ARHGEF4: variants seen among roughly 807,000 people sequenced by gnomAD.
The protein encoded by ARHGEF4 is APC-stimulated guanine nucleotide exchange factor 1.
Under a neutral mutation model 162.0 loss-of-function variants are expected in ARHGEF4, and 119 were observed. The observed-to-expected ratio is 0.73, with a 90% confidence interval of 0.63 to 0.86. ARHGEF4 has a LOEUF of 0.86. Among genes scored for constraint, ARHGEF4 ranks in the 40% least tolerant of loss-of-function variants. The pLI is 0.00. For synonymous variants in ARHGEF4, 1,014 were observed against 979.9 expected (o/e 1.03, Z -0.65); for missense variants, 2,488 against 2,456.0 (o/e 1.01, Z -0.28).
intron 1 of ARHGEF4, among the ~76,000 whole-genome samples, chr2:130,907,117 T>C (rs781305779): frequency 6.6e-6 from 1 of 151,954 alleles, no homozygotes; most frequent in Non-Finnish European, 1.5e-5. Flanking sequence ...AAATGGATCA[T>C]ACAATATGCA....
intron 5 of ARHGEF4, among the ~76,000 whole-genome samples, chr2:131,034,345 C>G (rs1031446774): frequency 6.6e-5 from 10 of 152,210 alleles, no homozygotes; most frequent in Non-Finnish European, 1.3e-4. Context: ...AGAATGAGAG[C>G]TCTTGCACAA....
Position 130,923,509 on chromosome 2 carries a change from T to C in ARHGEF4, c.3552+6011T>C, listed in dbSNP as rs182306156. ...CAGTTCCTCTCACGTGGTCATCAAG[T>C]CGATAAACTGAGCTCGCTGAGTGCC... On this transcript the variant is annotated intron_variant, in intron 2 of 13. Transcript: ENST00000409359. 5.1e-4 allele frequency among the ~76,000 whole-genome samples: 78 copies of C among 152,312 alleles called. 2 individuals carry two copies. In the East Asian group the frequency reaches 0.012, roughly 23 times the overall value.
At chr2:130,895,022 A>G (rs949715639) in intron 1 of ARHGEF4, among the ~76,000 whole-genome samples, 4 of 152,176 alleles carry the variant, frequency 2.6e-5, no homozygotes, top group African/African-American at 9.7e-5. Context: ...CAATTGCATA[A>G]CTATCCCCAC....
intron 4 of ARHGEF4, among the ~76,000 whole-genome samples, chr2:130,955,122 T>C (rs867303459): frequency 6.6e-6 from 1 of 152,230 alleles, no homozygotes; most frequent in East Asian, 1.9e-4. Flanking sequence ...CTCCAGAATT[T>C]CCTTTTTTAA....
chr2:130,924,313 G>A (rs916051245), intron 2 of ARHGEF4, among the ~76,000 whole-genome samples: 1 of 142,928 alleles, frequency 7.0e-6, no homozygotes, highest in Non-Finnish European at 1.5e-5. Flanking sequence ...GTCTCACACT[G>A]TCACGGGCAG....
At chr2:131,036,693 G>A (rs1013837956) in intron 5 of ARHGEF4, among the ~76,000 whole-genome samples, 3 of 152,200 alleles carry the variant, frequency 2.0e-5, no homozygotes, top group Non-Finnish European at 2.9e-5. Flanking sequence ...GAGACAGAGG[G>A]TGACACCTCA....
At chr2:130,940,492 T>C (rs978213336) in intron 3 of ARHGEF4, among the ~76,000 whole-genome samples, 8 of 151,702 alleles carry the variant, frequency 5.3e-5, no homozygotes, top group African/African-American at 1.7e-4. Flanking sequence ...AGACGGGATT[T>C]CACCATGTTA....
rs993065101 is a variant in ARHGEF4, at chr2:130,916,266, C to G, written c.2320C>G (p.Pro774Ala). 13 of 1,523,678 alleles carry G rather than the reference C, an allele frequency of 8.5e-6. No homozygotes were observed. Among genetic ancestry groups the G allele is most frequent in the African/African-American group, 1.4e-5 (1 of 70,624 alleles). 94.4% of individuals were successfully genotyped at this position (1,523,678 alleles called of 1,614,324 possible). ...GQRPRVPALE[P>A]PQPPRGLRKG... is the part of the protein sequence containing the mutation. ...GCGCCCCCGCGTCCCCGCCTTGGAG[C>G]CGCCCCAGCCGCCACGCGGGCTCCG... The change falls in exon 2 of 14, where the codon CCG (proline) becomes GCG (alanine). Residue 774 changes from proline (P) to alanine (A), a missense_variant. By Grantham distance (27) the Pro-to-Ala change is conservative (BLOSUM62 -1). This residue lies in a region of ARHGEF4 where 1,642 missense variants were observed against 1,481.5 expected (regional missense o/e 1.11). Coordinates refer to ENST00000409359, the MANE Select transcript of ARHGEF4 (RefSeq NM_001367493.1).
Position 130,916,182 on chromosome 2 carries a change from T to C in ARHGEF4, c.2236T>C (p.Ser746Pro). 6.5e-7 allele frequency: 1 copy of C among 1,548,030 alleles called. No homozygotes were observed. The highest frequency in any genetic ancestry group is 8.7e-7 in the Non-Finnish European group (1 of 1,146,682). The change falls in exon 2 of 14, where the codon TCA becomes CCA. Residue 746 changes from serine to proline, a missense_variant. Transcript: ENST00000409359. ...GCGTGGGGAGAGCCGGAGCTCCGGGTCAGGGGAGCGTGGCCCGGAGGAGGC... is the reference window on the plus strand; with the variant it reads ...GCGTGGGGAGAGCCGGAGCTCCGGGCCAGGGGAGCGTGGCCCGGAGGAGGC... ...RLRGESRSSGSGERGPEEAPE... is the reference protein window; with the variant it reads ...RLRGESRSSGPGERGPEEAPE...
Position 130,910,689 on chromosome 2 carries a change from C to T in ARHGEF4, c.40-3297C>T, listed in dbSNP as rs1410664623. Among the ~76,000 whole-genome samples the T allele has an allele frequency of 2.6e-5, 4 of 152,302 alleles. No homozygotes were observed. The Middle Eastern group carries it at 0.01, about 389-fold the overall frequency. Reference sequence around the variant, plus strand: ...CCGACCCATTAGAGAATGCACTATCCTTTCAAACGCCCATGGGACATCTCC... The same window carrying T: ...CCGACCCATTAGAGAATGCACTATCTTTTCAAACGCCCATGGGACATCTCC... On this transcript the variant is annotated intron_variant, in intron 1 of 13. Transcript: ENST00000409359.
rs1172140968 is a variant in ARHGEF4, at chr2:131,040,066, G to C, written c.4356G>C (p.Gly1452=). 3 of 1,595,994 alleles carry C rather than the reference G, an allele frequency of 1.9e-6. No individual in the cohort carries two copies. The highest frequency in any genetic ancestry group is 2.7e-5 in the African/African-American group (2 of 74,362). ...CGGATGACGACGCCCCTCTGGCCGG[G>C]AACAGCGGAGCGGAGGACGGCGGGG... ...EPADDDAPLA[G]NSGAEDGGAE... The change falls in exon 7 of 14, where the codon GGG becomes GGC. Residue 1452 remains glycine, a synonymous_variant. Coordinates refer to ENST00000409359, the MANE Select transcript of ARHGEF4 (RefSeq NM_001367493.1).
At chr2:130,867,958 CAG>C (rs1208427819) in intron 1 of ARHGEF4, among the ~76,000 whole-genome samples, 1 of 123,552 alleles carries the variant, frequency 8.1e-6, no homozygotes, top group African/African-American at 3.2e-5. Flanking sequence ...TTTTTGGAGA[CAG>C]AGTCACCCAG....
At chr2:130,984,507 A>G (rs1198418306) in intron 4 of ARHGEF4, among the ~76,000 whole-genome samples, 1 of 151,796 alleles carries the variant, frequency 6.6e-6, no homozygotes, top group Non-Finnish European at 1.5e-5. Context: ...CCTGGCAAAC[A>G]TGGTGAAACC....
At chr2:130,889,480 G>T (rs1679727040) in intron 1 of ARHGEF4, among the ~76,000 whole-genome samples, 1 of 151,918 alleles carries the variant, frequency 6.6e-6, no homozygotes, top group African/African-American at 2.4e-5. Flanking sequence ...CTTAGTGAGA[G>T]GCTACTGTGG....
At chr2:130,902,286 C>T (rs1680528640) in intron 1 of ARHGEF4, among the ~76,000 whole-genome samples, 2 of 151,462 alleles carry the variant, frequency 1.3e-5, no homozygotes, top group Admixed American at 1.3e-4. Flanking sequence ...GACAGAACTG[C>T]GGGTTCTCTG....
At chr2:131,019,664 C>T (rs529586927) in intron 4 of ARHGEF4, among the ~76,000 whole-genome samples, 11 of 149,746 alleles carry the variant, frequency 7.3e-5, no homozygotes, top group East Asian at 4.0e-4. Flanking sequence ...GATGGAGTCT[C>T]GCTCTGTCGC....
intron 4 of ARHGEF4, among the ~76,000 whole-genome samples, chr2:130,956,325 T>C (rs906268646): frequency 2.0e-5 from 3 of 151,912 alleles, no homozygotes; most frequent in African/African-American, 7.3e-5. Flanking sequence ...AAACAACAGG[T>C]GCTGGAGAGG....
chr2:130,877,458 G>A (rs1167410612), intron 1 of ARHGEF4, among the ~76,000 whole-genome samples: 2 of 152,122 alleles, frequency 1.3e-5, no homozygotes, highest in Non-Finnish European at 2.9e-5. Context: ...CTAAGGCTTA[G>A]CGATCCCAAA....
At chr2:131,035,929 C>A (rs772791509) in intron 5 of ARHGEF4, 20 of 923,486 alleles carry the variant, frequency 2.2e-5, no homozygotes, top group Non-Finnish European at 2.6e-5. Flanking sequence ...CTGTCAGAAC[C>A]TCAGAGGCAC....
Sources: gnomAD v4.1 joint callset for allele counts (sites outside exome capture counted in the v4.1 genomes callset) on GRCh38, gnomAD v4.1.1 for gene constraint, gnomAD v4.1.1 regional missense constraint, MANE v1.5 for transcripts, NCBI Gene and HGNC (gene_info 2026-07-23, HGNC 2026-07-21) for gene names.